NRG1: variants seen among roughly 807,000 people sequenced by gnomAD.
NRG1 encodes neuregulin 1.
NRG1 carries 18 observed loss-of-function variants against 63.8 expected under a neutral mutation model. That is an observed-to-expected ratio of 0.28 (90% confidence interval 0.19 to 0.42). NRG1 has a LOEUF of 0.42. NRG1 is among the 10% of genes least tolerant of loss of function. The probability of loss-of-function intolerance (pLI) is 1.00; values close to 1 mark genes in which losing one functional copy is unlikely to be tolerated. For missense variants in NRG1, 762 were observed against 814.7 expected (o/e 0.94, Z 0.79); for synonymous variants, 302 against 301.3 (o/e 1.00, Z -0.02).
At chr8:32,669,767 T>C (rs1366685374) in intron 5 of NRG1, among the ~76,000 whole-genome samples, 1 of 152,210 alleles carries the variant, frequency 6.6e-6, no homozygotes, top group African/African-American at 2.4e-5. Flanking sequence ...TGATGGTATA[T>C]GCTAAAACAT....
At chr8:32,572,979 A>G (rs949595795) in intron 1 of NRG1, among the ~76,000 whole-genome samples, 11 of 152,314 alleles carry the variant, frequency 7.2e-5, no homozygotes, top group Non-Finnish European at 1.2e-4. Context: ...CCTAATCTGT[A>G]TATCCTATCC....
intron 1 of NRG1, among the ~76,000 whole-genome samples, chr8:32,551,988 G>A (rs746308072): frequency 1.3e-4 from 19 of 143,460 alleles, no homozygotes; most frequent in Non-Finnish European, 2.4e-4. Context: ...TCGGCTCACT[G>A]CAACCTCTGC....
chr8:31,930,088 G>C (rs1229603447), intron 1 of NRG1, among the ~76,000 whole-genome samples: 1 of 152,152 alleles, frequency 6.6e-6, no homozygotes, highest in African/African-American at 2.4e-5. Flanking sequence ...GTGAGTTCAA[G>C]TGGAGGTTCC....
At chr8:32,713,049 T>C (rs1217646969) in intron 5 of NRG1, among the ~76,000 whole-genome samples, 2 of 152,198 alleles carry the variant, frequency 1.3e-5, no homozygotes, top group Non-Finnish European at 2.9e-5. Context: ...AATTCCTAGC[T>C]CAGTCATCTT....
At chr8:32,708,294 T>C (rs941336814) in intron 5 of NRG1, among the ~76,000 whole-genome samples, 7 of 152,192 alleles carry the variant, frequency 4.6e-5, no homozygotes, top group African/African-American at 1.7e-4. Flanking sequence ...GGAATCATGT[T>C]ATTGAGTTTT....
At chr8:32,155,558 C>A (rs75884127) in intron 1 of NRG1, among the ~76,000 whole-genome samples, 1,847 of 152,280 alleles carry the variant, frequency 0.012, 42 homozygotes, top group African/African-American at 0.042. Context: ...GTCACTAAAG[C>A]TAGAATAAGA....
At chr8:32,286,872 C>T (rs1414442085) in intron 1 of NRG1, among the ~76,000 whole-genome samples, 1 of 152,156 alleles carries the variant, frequency 6.6e-6, no homozygotes, top group South Asian at 2.1e-4. Context: ...TGGCGGGCAC[C>T]TGTAATCCCA....
intron 1 of NRG1, among the ~76,000 whole-genome samples, chr8:32,023,856 A>G (rs1226891608): frequency 1.3e-5 from 2 of 152,186 alleles, no homozygotes; most frequent in African/African-American, 4.8e-5. Flanking sequence ...CCCTAAAAGA[A>G]CATGAGCTGT....
exon 1 of NRG1, chr8:32,548,573 C>A (rs1563618597): frequency 7.7e-6 from 10 of 1,299,870 alleles, no homozygotes; most frequent in South Asian, 2.3e-5. Context: ...TCCCTGCAGG[C>A]AACGGGAGAC....
intron 1 of NRG1, among the ~76,000 whole-genome samples, chr8:32,297,069 C>T (rs1430177094): frequency 6.6e-6 from 1 of 151,756 alleles, no homozygotes; most frequent in African/African-American, 2.4e-5. Flanking sequence ...GAGCCAAGAT[C>T]GCGCCACTGC....
At chr8:32,670,562 A>G (rs1805376808) in intron 5 of NRG1, among the ~76,000 whole-genome samples, 1 of 152,228 alleles carries the variant, frequency 6.6e-6, no homozygotes. Flanking sequence ...CTCTGGGAAC[A>G]GGGAAACATA....
chr8:31,720,511 C>T (rs1383399099), intron 1 of NRG1, among the ~76,000 whole-genome samples: 2 of 152,124 alleles, frequency 1.3e-5, no homozygotes, highest in African/African-American at 2.4e-5. Flanking sequence ...TTTGACAGAC[C>T]CCAGTATGTG....
At chr8:32,524,496 A>ATT (rs35801670) in intron 1 of NRG1, among the ~76,000 whole-genome samples, 30 of 149,988 alleles carry the variant, frequency 2.0e-4, no homozygotes, top group South Asian at 8.4e-4. Flanking sequence ...TTCCTTAAAG[A>ATT]TTTTTTTTTT....
At chr8:32,495,213 C>T (rs367834160) in intron 1 of NRG1, among the ~76,000 whole-genome samples, 67 of 152,252 alleles carry the variant, frequency 4.4e-4, no homozygotes, top group African/African-American at 1.5e-3. Flanking sequence ...GGGATCCCGT[C>T]GGAGGTAATT....
At chr8:31,666,257 A>C (rs1489862213) in intron 1 of NRG1, among the ~76,000 whole-genome samples, 1 of 152,158 alleles carries the variant, frequency 6.6e-6, no homozygotes, top group Non-Finnish European at 1.5e-5. Context: ...GGGAGACACT[A>C]CCTTCTTCAA....
chr8:31,902,795 A>C (rs1832195094), intron 1 of NRG1, among the ~76,000 whole-genome samples: 1 of 152,192 alleles, frequency 6.6e-6, no homozygotes, highest in African/African-American at 2.4e-5. Context: ...TTTCAAAGAC[A>C]GTTACACTGA....
At chr8:32,371,332 G>A (rs1161027706) in intron 1 of NRG1, among the ~76,000 whole-genome samples, 1 of 152,202 alleles carries the variant, frequency 6.6e-6, no homozygotes, top group Non-Finnish European at 1.5e-5. Flanking sequence ...ACCATCGTAA[G>A]GTCTTTCCCA....
intron 1 of NRG1, among the ~76,000 whole-genome samples, chr8:32,333,434 T>A (rs1409021133): frequency 6.6e-6 from 1 of 152,184 alleles, no homozygotes; most frequent in African/African-American, 2.4e-5. Flanking sequence ...ACCCTGGTGT[T>A]TGTGACATTG....
At chr8:32,372,458 CA>C (rs1809031106) in intron 1 of NRG1, among the ~76,000 whole-genome samples, 1 of 152,028 alleles carries the variant, frequency 6.6e-6, no homozygotes, top group Non-Finnish European at 1.5e-5. Flanking sequence ...AAATCGCTTA[CA>C]AAACAACACA....
Sources: allele counts gnomAD v4.1 joint callset (sites outside exome capture counted in the v4.1 genomes callset), GRCh38; gene constraint gnomAD v4.1.1; transcripts MANE v1.5; gene names NCBI Gene and HGNC (gene_info 2026-07-23, HGNC 2026-07-21).